The following CNNM3 variants were observed in gnomAD, a reference collection of about 807,000 sequenced individuals.
The protein encoded by CNNM3 is cyclin and CBS domain divalent metal cation transport mediator 3.
In CNNM3, 47 loss-of-function variants were observed where a neutral mutation model predicts 57.1. The observed-to-expected ratio is 0.82, with a 90% CI of 0.65 to 1.05. The LOEUF (loss-of-function observed/expected upper bound fraction) is 1.05, where lower values mean the gene tolerates loss of function less well. CNNM3 is among the 50% of genes least tolerant of loss of function. CNNM3 has a pLI of 0.00. For missense variants in CNNM3, 957 were observed against 973.7 expected (o/e 0.98, Z 0.23); for synonymous variants, 507 against 478.2 (o/e 1.06, Z -0.79).
chr2:96,825,081 C>T lies in CNNM3; in HGVS notation c.1249C>T (p.Gln417Ter), dbSNP rs1046714785. 6.2e-7 allele frequency: 1 copy of T among 1,613,308 alleles called. No individual in the cohort carries two copies. The highest frequency in any genetic ancestry group is 1.3e-5 in the African/African-American group (1 of 75,012). The change falls in exon 2 of 8, where the codon CAG (glutamine) becomes TAG (stop). Residue 417 changes from glutamine to a stop codon, truncating the protein, a stop_gained. Transcript: ENST00000305510. LOFTEE classifies it high-confidence loss of function. ...AGGGAAGTCCCACCTGGCCATCGTGCAGAAGGTGAACAACGAGGGTGAAGG... is the reference window on the plus strand; with the variant it reads ...AGGGAAGTCCCACCTGGCCATCGTGTAGAAGGTGAACAACGAGGGTGAAGG... Reference protein sequence around the residue: ...KRGKSHLAIVQKVNNEGEGDP... With the variant: ...KRGKSHLAIV
At chr2:96,824,216 G>A (rs1042234845) in intron 1 of CNNM3, among the ~76,000 whole-genome samples, 8 of 152,122 alleles carry the variant, frequency 5.3e-5, no homozygotes, top group African/African-American at 1.7e-4. Flanking sequence ...TGAGACTTGG[G>A]CTTTTTTCCA....
In CNNM3 at chr2:96,828,124, AAG is replaced by A; in HGVS notation, c.1718_1719del (p.Glu573GlyfsTer5). 6.2e-7 allele frequency: 1 copy of A among 1,614,076 alleles called. No individual in the cohort carries two copies. Among genetic ancestry groups the A allele is most frequent in the Non-Finnish European group, 8.5e-7 (1 of 1,179,990 alleles). Reference sequence around the variant, plus strand: ...GGCAGGGTTGAAGTGGAGATCGGGAAAGAGGGTCTGAAGTTTGAGAATGGGGC... The same window carrying A: ...GGCAGGGTTGAAGTGGAGATCGGGAAAGGGTCTGAAGTTTGAGAATGGGGC... On this transcript the variant is annotated frameshift_variant, in exon 5 of 8. Coordinates refer to ENST00000305510, the MANE Select transcript of CNNM3 (RefSeq NM_017623.5). LOFTEE classifies it high-confidence loss of function.
In CNNM3 at chr2:96,825,137, C is replaced by T; in HGVS notation, c.1305C>T (p.Val435=). ...CCTTCTACGAGGTCCTGGGCCTGGTCACCCTGGAGGACGTGATCGAGGAGA... is the reference window on the plus strand; with the variant it reads ...CCTTCTACGAGGTCCTGGGCCTGGTTACCCTGGAGGACGTGATCGAGGAGA... ...GDPFYEVLGL[V]TLEDVIEEII... is the part of the protein sequence containing the mutation. Residue 435 remains valine (V), a synonymous_variant, in exon 2 of 8, where the codon GTC becomes GTT. Transcript: ENST00000305510. 6.2e-7 allele frequency: 1 copy of T among 1,614,152 alleles called. No homozygotes were observed. The highest frequency in any genetic ancestry group is 8.5e-7 in the Non-Finnish European group (1 of 1,180,026).
At chr2:96,822,820 A>T (rs1341893334) in intron 1 of CNNM3, among the ~76,000 whole-genome samples, 1 of 152,264 alleles carries the variant, frequency 6.6e-6, no homozygotes, top group Non-Finnish European at 1.5e-5. Context: ...AACATCATAG[A>T]AATTGGGCAT....
intron 2 of CNNM3, 72 bp downstream of exon 2, chr2:96,825,273 G>A (rs2079481340): frequency 4.5e-6 from 7 of 1,551,698 alleles, no homozygotes; most frequent in Non-Finnish European, 6.1e-6. Context: ...TTGCGTCAGA[G>A]GCCAGTGGGC....
chr2:96,828,136 A>G lies in CNNM3; in HGVS notation c.1727A>G (p.Lys576Arg). 1.2e-6 allele frequency: 2 copies of G among 1,614,014 alleles called. No homozygotes were observed. Among genetic ancestry groups the G allele is most frequent in the South Asian group, 1.1e-5 (1 of 91,078 alleles). Residue 576 changes from lysine to arginine, a missense_variant, in exon 5 of 8, where the codon AAG (lysine) becomes AGG (arginine). By Grantham distance (26) the Lys-to-Arg change is conservative (BLOSUM62 2). Transcript: ENST00000305510. ...VEVEIGKEGL[K>R]FENGAFTYYG... is the part of the protein sequence containing the mutation. ...GTGGAGATCGGGAAAGAGGGTCTGA[A>G]GTTTGAGAATGGGGCCTTCACGTAC...
intron 7 of CNNM3, among the ~76,000 whole-genome samples, chr2:96,831,060 A>T (rs1167034480): frequency 6.6e-6 from 1 of 152,252 alleles, no homozygotes; most frequent in African/African-American, 2.4e-5. Flanking sequence ...TGCTCTTCCC[A>T]TCACTGCACA....
chr2:96,816,400 TGGAGCGGCGGGCGCGGGTTGGGTACGC>T lies in CNNM3; in HGVS notation c.128_154del (p.Ala43_Gly51del). 7.3e-7 allele frequency: 1 copy of T among 1,374,272 alleles called. No individual in the cohort carries two copies. The highest frequency in any genetic ancestry group is 9.4e-7 in the Non-Finnish European group (1 of 1,065,678). The allele number at this position is 1,374,272 out of a possible 1,614,324, so 85.1% of individuals were successfully genotyped here. Reference sequence around the variant, plus strand: ...TGCTGGGCTTCTGCCTGGAGGAGGATGGAGCGGCGGGCGCGGGTTGGGTACGCGGAGGGGCGGCGCGGGACACGCCGG... The same window carrying T: ...TGCTGGGCTTCTGCCTGGAGGAGGATGGAGGGGCGGCGCGGGACACGCCGG... On this transcript the variant is annotated inframe_deletion, in exon 1 of 8. Coordinates refer to ENST00000305510, the MANE Select transcript of CNNM3 (RefSeq NM_017623.5).
At chr2:96,823,051 C>T (rs775301427) in intron 1 of CNNM3, among the ~76,000 whole-genome samples, 6 of 152,108 alleles carry the variant, frequency 3.9e-5, no homozygotes, top group Non-Finnish European at 5.9e-5. Flanking sequence ...CTGCAGCTGC[C>T]CTTGCTCTGT....
At chr2:96,830,814 G>A (rs922337472) in intron 7 of CNNM3, among the ~76,000 whole-genome samples, 2 of 152,148 alleles carry the variant, frequency 1.3e-5, no homozygotes, top group African/African-American at 2.4e-5. Flanking sequence ...AGCTAGTGCC[G>A]CACCTTTTAG....
At chr2:96,828,416 GTT>G (rs2079546259) in intron 5 of CNNM3, 149 bp from the exon 6 acceptor site, 1 of 1,042,932 alleles carries the variant, frequency 9.6e-7, no homozygotes, top group African/African-American at 1.6e-5. Flanking sequence ...TCCCGGCTGT[GTT>G]TGTCCTTCTC....
intron 7 of CNNM3, among the ~76,000 whole-genome samples, chr2:96,831,267 C>G (rs140746846): frequency 4.3e-4 from 66 of 152,294 alleles, no homozygotes; most frequent in Non-Finnish European, 2.5e-4. Flanking sequence ...CTCGGGTTGT[C>G]CTGCATTTTG....
rs944193668 is a variant in CNNM3, at chr2:96,817,575, G to A, written c.1225+73G>A. 4 of 1,456,760 alleles carry A rather than the reference G, an allele frequency of 2.7e-6. No individual in the cohort carries two copies. The African/African-American group carries it at 5.6e-5, about 20-fold the overall frequency. 90.2% of individuals were successfully genotyped at this position (1,456,760 alleles called of 1,614,324 possible). On this transcript the variant is annotated intron_variant, in intron 1 of 7. Transcript: ENST00000305510. Reference sequence around the variant, plus strand: ...CCCTGAAAAGGGGTGGAGAGTTATGGAAGCCTTCTGGAAAGGGTCCCACCC... The same window carrying A: ...CCCTGAAAAGGGGTGGAGAGTTATGAAAGCCTTCTGGAAAGGGTCCCACCC...
At chr2:96,827,680 A>T in intron 3 of CNNM3, 51 bp from the exon 4 acceptor site, 1 of 1,569,996 alleles carries the variant, frequency 6.4e-7, no homozygotes, top group Non-Finnish European at 8.7e-7. Flanking sequence ...GTGTGGTTCC[A>T]CTGGCCACTA....
Position 96,824,810 on chromosome 2 carries a change from C to T in CNNM3, c.1226-248C>T, listed in dbSNP as rs147442920. On this transcript the variant is annotated intron_variant, in intron 1 of 7. Transcript: ENST00000305510. ...CTGGATCCCAGCTCTGCCAGCTCTG[C>T]CTGGGGGGCCTTGTGCAGATGGGCA... 7.5e-4 allele frequency: 383 copies of T among 507,996 alleles called. 5 individuals carry two copies. In the East Asian group the frequency reaches 0.013, roughly 17 times the overall value. 31.5% of individuals were successfully genotyped at this position (507,996 alleles called of 1,614,324 possible).
chr2:96,832,539 T>C lies in CNNM3; in HGVS notation c.2060-13T>C. 6.2e-7 allele frequency: 1 copy of C among 1,614,078 alleles called. No individual in the cohort carries two copies. Among genetic ancestry groups the C allele is most frequent in the Non-Finnish European group, 8.5e-7 (1 of 1,179,962 alleles). Reference sequence around the variant, plus strand: ...AGCTTTGATGTTAATTCTCCTTCCCTTGTCTCCTGTAGGGTCCAGCCACAG... The same window carrying C: ...AGCTTTGATGTTAATTCTCCTTCCCCTGTCTCCTGTAGGGTCCAGCCACAG... On this transcript the variant is annotated splice_polypyrimidine_tract_variant and intron_variant, in intron 7 of 7. Transcript: ENST00000305510.
rs1285994747 is a variant in CNNM3, at chr2:96,833,233, C to T, written c.*617C>T. ...CGTAGGCTGTCCCTGTAGCCCTGCT[C>T]CCTCCCTGGAGGCTGCTCTTCTGAT... On this transcript the variant is annotated 3_prime_UTR_variant, in exon 8 of 8. Transcript: ENST00000305510. The T allele has an allele frequency of 5.6e-6, 2 of 354,036 alleles. No individual in the cohort carries two copies. Among genetic ancestry groups the T allele is most frequent in the African/African-American group, 4.3e-5 (2 of 46,622 alleles). The allele number at this position is 354,036 out of a possible 1,614,324, so 21.9% of individuals were successfully genotyped here.
rs1299628496 is a variant in CNNM3 at position 96,835,252 on chromosome 2, A to G, written c.*2636A>G. 2.0e-5 allele frequency among the ~76,000 whole-genome samples: 3 copies of G among 152,126 alleles called. No individual in the cohort carries two copies. The highest frequency in any genetic ancestry group is 6.5e-5 in the Admixed American group (1 of 15,276). On this transcript the variant is annotated 3_prime_UTR_variant, in exon 8 of 8. Coordinates refer to ENST00000305510, the MANE Select transcript of CNNM3 (RefSeq NM_017623.5). ...TCTCGGGAGATCATCCAGGCATTGCATGTGTCAACAGTTTGCTCCTTTTTA... is the reference window on the plus strand; with the variant it reads ...TCTCGGGAGATCATCCAGGCATTGCGTGTGTCAACAGTTTGCTCCTTTTTA...
Position 96,816,708 on chromosome 2 carries a change from T to TGCTGGCGCTGGCAGC in CNNM3, c.440_454dup (p.Leu147_Ala151dup). Reference sequence around the variant, plus strand: ...GCTCTGGGCCTGGGGGCGGCCGGGCTGCTGGCGCTGGCAGCGCTGGCGCGA... The same window carrying TGCTGGCGCTGGCAGC: ...GCTCTGGGCCTGGGGGCGGCCGGGCTGCTGGCGCTGGCAGCGCTGGCGCTGGCAGCGCTGGCGCGA... On this transcript the variant is annotated inframe_insertion, in exon 1 of 8. Coordinates refer to ENST00000305510, the MANE Select transcript of CNNM3 (RefSeq NM_017623.5). 3.0e-6 allele frequency: 3 copies of TGCTGGCGCTGGCAGC among 1,013,002 alleles called. No individual in the cohort carries two copies. The highest frequency in any genetic ancestry group is 2.4e-6 in the Non-Finnish European group (2 of 850,036). 62.8% of individuals were successfully genotyped at this position (1,013,002 alleles called of 1,614,324 possible).
Sources: allele counts gnomAD v4.1 joint callset (sites outside exome capture counted in the v4.1 genomes callset), GRCh38; gene constraint gnomAD v4.1.1; transcripts MANE v1.5; gene names NCBI Gene and HGNC (gene_info 2026-07-23, HGNC 2026-07-21).